The following ANKRD36 variants were observed in gnomAD, a reference collection of about 807,000 sequenced individuals.
ANKRD36 encodes ankyrin repeat domain-containing protein 36A.
ANKRD36 carries 179 observed loss-of-function variants against 278.1 expected under a neutral mutation model. That is an observed-to-expected ratio of 0.64 (90% CI 0.57 to 0.73). The LOEUF (loss-of-function observed/expected upper bound fraction) is 0.73, where lower values mean the gene tolerates loss of function less well. ANKRD36 is among the 30% of genes least tolerant of loss of function. ANKRD36 has a pLI of 0.00. For missense variants in ANKRD36, 1,159 were observed against 1,956.7 expected, an observed-to-expected ratio of 0.59 and a Z score of 7.69; for synonymous variants, 320 against 641.1, an observed-to-expected ratio of 0.50 and a Z score of 7.57.
chr2:97,218,547 C>T (rs1420957811), intron 64 of ANKRD36, among the ~76,000 whole-genome samples: 15 of 151,592 alleles, frequency 9.9e-5, no homozygotes, highest in Non-Finnish European at 1.3e-4. Context: ...GACACTTACA[C>T]TGAAGACACG....
chr2:97,120,741 A>C (rs1439057771), intron 3 of ANKRD36, among the ~76,000 whole-genome samples: 1 of 152,138 alleles, frequency 6.6e-6, no homozygotes, highest in Non-Finnish European at 1.5e-5. Flanking sequence ...CTTGTGTTAC[A>C]TACAATTGCT....
chr2:97,209,163 C>G (rs1404717026), intron 54 of ANKRD36, among the ~76,000 whole-genome samples: 1 of 146,470 alleles, frequency 6.8e-6, no homozygotes, highest in Non-Finnish European at 1.5e-5. Flanking sequence ...GTGATCAATT[C>G]AGGACACTTC....
chr2:97,154,389 T>C (rs796152860), intron 14 of ANKRD36, among the ~76,000 whole-genome samples: 613 of 135,350 alleles, frequency 4.5e-3, no homozygotes, highest in Non-Finnish European at 5.5e-3. Flanking sequence ...GGCTGTGCCA[T>C]TATAATGCCT....
At chr2:97,206,871 T>G (rs1414419741) in intron 52 of ANKRD36, among the ~76,000 whole-genome samples, 2 of 151,458 alleles carry the variant, frequency 1.3e-5, no homozygotes, top group Non-Finnish European at 3.0e-5. Context: ...TCTGAATACA[T>G]TGGTTTCCTT....
At chr2:97,179,120 A>G (rs1354957352) in intron 22 of ANKRD36, among the ~76,000 whole-genome samples, 1 of 151,636 alleles carries the variant, frequency 6.6e-6, no homozygotes, top group Non-Finnish European at 1.5e-5. Flanking sequence ...CTAAACTAGA[A>G]GATACAAGAG....
intron 32 of ANKRD36, among the ~76,000 whole-genome samples, chr2:97,188,503 T>C (rs1280389144): frequency 6.6e-6 from 1 of 151,104 alleles, no homozygotes; most frequent in East Asian, 2.0e-4. Flanking sequence ...TTACACCACA[T>C]GGGGGTGAGA....
chr2:97,228,925 G>A (rs1485402477), intron 67 of ANKRD36, among the ~76,000 whole-genome samples: 1 of 151,984 alleles, frequency 6.6e-6, no homozygotes, highest in Non-Finnish European at 1.5e-5. Context: ...AGGTTGTTCA[G>A]TTTCCATGTA....
chr2:97,243,052 T>G (rs1400706300), intron 69 of ANKRD36, among the ~76,000 whole-genome samples: 1 of 132,566 alleles, frequency 7.5e-6, no homozygotes, highest in Non-Finnish European at 1.7e-5. Context: ...TGTTTTATTT[T>G]CTAATATCAA....
At chr2:97,195,158 G>C (rs1311681167) in intron 40 of ANKRD36, among the ~76,000 whole-genome samples, 1 of 151,986 alleles carries the variant, frequency 6.6e-6, no homozygotes, top group African/African-American at 2.4e-5. Context: ...AGCAGTTGAA[G>C]ACATAAGGGG....
chr2:97,136,126 G>A (rs1013782790), intron 6 of ANKRD36, among the ~76,000 whole-genome samples: 1 of 150,028 alleles, frequency 6.7e-6, no homozygotes, highest in South Asian at 2.2e-4. Flanking sequence ...TGTGAGAGGG[G>A]CTGAATGTTC....
intron 52 of ANKRD36, 32 bp from the exon 53 acceptor site, chr2:97,207,779 A>G (rs2063278499): frequency 3.2e-6 from 5 of 1,544,058 alleles, no homozygotes; most frequent in South Asian, 2.4e-5. Flanking sequence ...ATTTTTACAC[A>G]TGAGTGATTA....
intron 40 of ANKRD36, among the ~76,000 whole-genome samples, 198 bp from the exon 41 acceptor site, chr2:97,196,395 G>C (rs1308785971): frequency 6.6e-6 from 1 of 152,042 alleles, no homozygotes; most frequent in African/African-American, 2.4e-5. Context: ...AAATTATAAG[G>C]GTATATTTCA....
At chr2:97,205,303 T>A (rs1232072326) in intron 50 of ANKRD36, among the ~76,000 whole-genome samples, 8 of 151,536 alleles carry the variant, frequency 5.3e-5, no homozygotes, top group Admixed American at 4.6e-4. Flanking sequence ...AAGAAACATT[T>A]GGAAGGCTAT....
intron 40 of ANKRD36, among the ~76,000 whole-genome samples, chr2:97,195,330 T>C (rs1371599998): frequency 6.6e-6 from 1 of 151,960 alleles, no homozygotes; most frequent in Admixed American, 6.6e-5. Context: ...GAAGGAGAAC[T>C]GAGGAGACCC....
chr2:97,158,827 G>A (rs2048167719), intron 17 of ANKRD36, among the ~76,000 whole-genome samples, 172 bp downstream of exon 17: 1 of 151,898 alleles, frequency 6.6e-6, no homozygotes, highest in South Asian at 2.1e-4. Context: ...TTATAACGAT[G>A]ACAAGGATCC....
At chr2:97,209,893 A>C in intron 56 of ANKRD36, 21 bp downstream of exon 56, 1 of 1,561,592 alleles carries the variant, frequency 6.4e-7, no homozygotes, top group East Asian at 2.4e-5. Context: ...AAACAGATTT[A>C]ATGTCATGTT....
At chr2:97,204,579 G>T (rs1189990429) in intron 50 of ANKRD36, among the ~76,000 whole-genome samples, 1 of 150,756 alleles carries the variant, frequency 6.6e-6, no homozygotes, top group African/African-American at 2.4e-5. Context: ...GGGTGGAGGG[G>T]AAAAGAGAGG....
Position 97,204,303 on chromosome 2 carries a change from A to T in ANKRD36, c.3061+40A>T, listed in dbSNP as rs573434658. On this transcript the variant is annotated intron_variant, in intron 50 of 75. Coordinates refer to ENST00000420699, the MANE Select transcript of ANKRD36 (RefSeq NM_001354587.1). ...AGATTTAATGTCATGTTCAGTGCAG[A>T]TAGATAAGAAGTTCTCTTCCCTGAA... 18 of 1,526,352 alleles carry T rather than the reference A, an allele frequency of 1.2e-5. No individual in the cohort carries two copies. The African/African-American group carries it at 2.4e-4, about 20-fold the overall frequency. 94.6% of individuals were successfully genotyped at this position (1,526,352 alleles called of 1,614,324 possible).
At chr2:97,121,077 T>C (rs1371909806) in intron 3 of ANKRD36, among the ~76,000 whole-genome samples, 1 of 152,096 alleles carries the variant, frequency 6.6e-6, no homozygotes. Context: ...TTTTATAATA[T>C]ATTTTAGTAA....
Sources: allele counts gnomAD v4.1 joint callset (sites outside exome capture counted in the v4.1 genomes callset), GRCh38; gene constraint gnomAD v4.1.1; transcripts MANE v1.5; gene names NCBI Gene and HGNC (gene_info 2026-07-23, HGNC 2026-07-21).